Variants in CDH23 observed in about 807,000 individuals in gnomAD.
CDH23 encodes cadherin related 23.
Under a neutral mutation model 317.1 loss-of-function variants are expected in CDH23, and 189 were observed. That is an observed-to-expected ratio of 0.60 (90% CI 0.53 to 0.67). The LOEUF (loss-of-function observed/expected upper bound fraction) is 0.67, where lower values mean the gene tolerates loss of function less well. Ranked by LOEUF, CDH23 falls within the 30% of genes least tolerant of loss-of-function variation. CDH23 has a pLI of 0.00. For synonymous variants in CDH23, 1,839 were observed against 1,876.8 expected (o/e 0.98, Z 0.52); for missense variants, 4,401 against 4,592.4 (o/e 0.96, Z 1.20).
chr10:71,663,527 C>G (rs1210934687), intron 14 of CDH23, among the ~76,000 whole-genome samples: 1 of 152,224 alleles, frequency 6.6e-6, no homozygotes. Flanking sequence ...CTGTCTACAC[C>G]ATCCTTGGAC....
chr10:71,694,507 GC>G (rs1865302962), intron 21 of CDH23, among the ~76,000 whole-genome samples: 1 of 152,056 alleles, frequency 6.6e-6, no homozygotes, highest in Non-Finnish European at 1.5e-5. Context: ...TTTCTCTCCT[GC>G]CCCTAAAAAT....
At chr10:71,679,826 C>G (rs16929205) in intron 17 of CDH23, among the ~76,000 whole-genome samples, 1 of 152,180 alleles carries the variant, frequency 6.6e-6, no homozygotes, top group African/African-American at 2.4e-5. Context: ...GATGGAAGCT[C>G]TTTAGCCAAG....
chr10:71,452,911 T>C (rs1394943013), intron 3 of CDH23, among the ~76,000 whole-genome samples: 9 of 152,178 alleles, frequency 5.9e-5, no homozygotes, highest in Admixed American at 4.6e-4. Context: ...AGGAACAAGC[T>C]GGGCCTCCAT....
At chr10:71,800,795 G>A (rs183543578) in intron 53 of CDH23, 40 bp downstream of exon 53, 3 of 1,605,094 alleles carry the variant, frequency 1.9e-6, no homozygotes, top group Middle Eastern at 3.4e-4. Flanking sequence ...ACAGGGACTG[G>A]GGTTGTGGAG....
At position 71,645,633 on chromosome 10, in the gene CDH23, C is replaced by T. The variant is rs570543680; in HGVS notation, c.1141-198C>T. 1.0e-3 allele frequency: 758 copies of T among 760,410 alleles called. 12 individuals carry two copies. Among genetic ancestry groups the T allele is most frequent in the South Asian group, 8.1e-3 (593 of 73,160 alleles). The allele number at this position is 760,410 out of a possible 1,614,324, so 47.1% of individuals were successfully genotyped here. On this transcript the variant is annotated intron_variant, in intron 12 of 69. Coordinates refer to ENST00000224721, the MANE Select transcript of CDH23 (RefSeq NM_022124.6). ...AGGAAAAGAGAGCCAGAGGAGGTTTCCAGAGGGCCTAGACATGGGTGGGTC... is the reference window on the plus strand; with the variant it reads ...AGGAAAAGAGAGCCAGAGGAGGTTTTCAGAGGGCCTAGACATGGGTGGGTC...
Position 71,491,122 on chromosome 10 carries a change from A to C in CDH23, c.146-18960A>C, listed in dbSNP as rs551125582. Among the ~76,000 whole-genome samples, 3 of 152,358 alleles carry C rather than the reference A, an allele frequency of 2.0e-5. No individual in the cohort carries two copies. In the East Asian group the frequency reaches 5.8e-4, roughly 29 times the overall value. ...CAAATGCATCGATTGGGTGCTTTAA[A>C]GTCAGGCTGGGAGCTCCTCGCGTCA... On this transcript the variant is annotated intron_variant, in intron 3 of 69. Transcript: ENST00000224721.
chr10:71,812,682 A>C (rs1841981777), intron 67 of CDH23, 73 bp downstream of exon 67: 2 of 1,612,280 alleles, frequency 1.2e-6, no homozygotes, highest in East Asian at 2.2e-5. Flanking sequence ...TCTGGCCAAG[A>C]AGCTGGGTTC....
intron 1 of CDH23, among the ~76,000 whole-genome samples, chr10:71,436,320 A>AG (rs1470777537): frequency 7.2e-5 from 11 of 152,248 alleles, no homozygotes; most frequent in African/African-American, 2.7e-4. Context: ...TGTGCCTGGC[A>AG]GTGTTGGAGC....
intron 11 of CDH23, among the ~76,000 whole-genome samples, chr10:71,618,722 C>T (rs992305145): frequency 1.3e-5 from 2 of 152,170 alleles, no homozygotes; most frequent in South Asian, 2.1e-4. Context: ...CCTCTGCCCA[C>T]GTCTCTTGCC....
intron 1 of CDH23, among the ~76,000 whole-genome samples, chr10:71,402,759 G>A (rs1373080079): frequency 1.1e-4 from 17 of 151,414 alleles, no homozygotes; most frequent in East Asian, 9.7e-4. Context: ...GCGCGCGCGC[G>A]CACATGCGCG....
In CDH23 at chr10:71,645,967, G is replaced by A. The variant is rs757456114; in HGVS notation, c.1277G>A (p.Arg426His). ...CCACTGGACTACGAGACCGTGGACC[G>A]CTACGACTTTGATGTAAGGCCCCAC... The part of the protein sequence containing the change: ...AIPLDYETVD[R>H]YDFDLFANES... Residue 426 changes from arginine (R) to histidine (H), a missense_variant, in exon 13 of 70, where the codon CGC becomes CAC. Arg to His is a conservative substitution (Grantham distance 29, BLOSUM62 0). Transcript: ENST00000224721. 2.7e-5 allele frequency: 44 copies of A among 1,611,860 alleles called. No individual in the cohort carries two copies. Among genetic ancestry groups the A allele is most frequent in the South Asian group, 7.7e-5 (7 of 90,764 alleles).
intron 40 of CDH23, among the ~76,000 whole-genome samples, chr10:71,778,675 C>G (rs552675627): frequency 2.6e-5 from 4 of 152,228 alleles, no homozygotes; most frequent in African/African-American, 9.7e-5. Context: ...ACAATACAAA[C>G]TATGTTTTAA....
intron 20 of CDH23, 27 bp from the exon 21 acceptor site, chr10:71,694,120 T>C: frequency 6.8e-7 from 1 of 1,468,384 alleles, no homozygotes; most frequent in South Asian, 1.1e-5. Flanking sequence ...CCAAACCCTC[T>C]CACGCACCCA....
intron 38 of CDH23, chr10:71,773,215 G>A: frequency 1.0e-6 from 1 of 978,490 alleles, no homozygotes; most frequent in Non-Finnish European, 1.5e-6. Flanking sequence ...AGGGGTCCCA[G>A]CAGCCTCTGG....
At chr10:71,693,750 T>C (rs1286073053) in intron 20 of CDH23, among the ~76,000 whole-genome samples, 2 of 152,204 alleles carry the variant, frequency 1.3e-5, no homozygotes, top group East Asian at 3.9e-4. Context: ...AGGATTGAAG[T>C]AACTAGCTCC....
intron 6 of CDH23, among the ~76,000 whole-genome samples, chr10:71,551,809 A>T (rs78204339): frequency 0.05 from 7,574 of 152,144 alleles, 397 homozygotes; most frequent in African/African-American, 0.13. Flanking sequence ...TAGACCAAGG[A>T]ATTGGACCCT....
At position 71,788,847 on chromosome 10, in the gene CDH23, G is replaced by A. The variant is rs563314725; in HGVS notation, c.5821-93G>A. 111 of 724,484 alleles carry A rather than the reference G, an allele frequency of 1.5e-4. No homozygotes were observed. The Middle Eastern group carries it at 1.9e-3, about 12-fold the overall frequency. The allele number at this position is 724,484 out of a possible 1,614,324, so 44.9% of individuals were successfully genotyped here. On this transcript the variant is annotated intron_variant, in intron 44 of 69. Coordinates refer to ENST00000224721, the MANE Select transcript of CDH23 (RefSeq NM_022124.6). Reference sequence around the variant, plus strand: ...GGCTTTTCTGATCATCCACCTCTGTGCCCCAATCCCCAACCTCCCAACCCT... The same window carrying A: ...GGCTTTTCTGATCATCCACCTCTGTACCCCAATCCCCAACCTCCCAACCCT...
rs529266360 is a variant in CDH23 at position 71,559,390 on chromosome 10, C to A, written c.430-7352C>A. 2.2e-4 allele frequency among the ~76,000 whole-genome samples: 34 copies of A among 152,270 alleles called. 1 individual carries two copies. The South Asian group carries it at 6.6e-3, about 30-fold the overall frequency. On this transcript the variant is annotated intron_variant, in intron 6 of 69. Coordinates refer to ENST00000224721, the MANE Select transcript of CDH23 (RefSeq NM_022124.6). Reference sequence around the variant, plus strand: ...ATTCTTTTAAAACATTTATTGAATGCCTTCTATGCACAAGTGACAGTGCCA... The same window carrying A: ...ATTCTTTTAAAACATTTATTGAATGACTTCTATGCACAAGTGACAGTGCCA...
intron 1 of CDH23, among the ~76,000 whole-genome samples, chr10:71,403,066 G>A (rs976972676): frequency 6.6e-6 from 1 of 152,120 alleles, no homozygotes; most frequent in African/African-American, 2.4e-5. Context: ...AGCTTGCAGT[G>A]AGCCGAGATC....
Sources: allele counts gnomAD v4.1 joint callset (sites outside exome capture counted in the v4.1 genomes callset), GRCh38; gene constraint gnomAD v4.1.1; transcripts MANE v1.5; gene names NCBI Gene and HGNC (gene_info 2026-07-23, HGNC 2026-07-21).